The following CDC42SE2 variants were observed in gnomAD, a reference collection of about 807,000 sequenced individuals.
CDC42SE2 encodes CDC42 small effector protein 2.
In CDC42SE2, 3 loss-of-function variants were observed where a neutral mutation model predicts 11.5. That is an observed-to-expected ratio of 0.26 (90% CI 0.12 to 0.67). CDC42SE2 has a LOEUF of 0.67. Ranked by LOEUF, CDC42SE2 falls within the 30% of genes least tolerant of loss-of-function variation. CDC42SE2 has a pLI of 0.80. For synonymous variants in CDC42SE2, 33 were observed against 34.8 expected (o/e 0.95, Z 0.18); for missense variants, 82 against 106.8 (o/e 0.77, Z 1.02).
At chr5:131,252,023 A>G (rs1198010837) in intron 1 of CDC42SE2, among the ~76,000 whole-genome samples, 1 of 150,908 alleles carries the variant, frequency 6.6e-6, no homozygotes, top group Admixed American at 6.7e-5. Context: ...TCAAAAAAGT[A>G]AGAAGAAAAA....
chr5:131,342,491 G>A (rs1758735802), intron 2 of CDC42SE2, among the ~76,000 whole-genome samples: 1 of 143,866 alleles, frequency 7.0e-6, no homozygotes, highest in African/African-American at 2.7e-5. Context: ...TCAGGTTCAA[G>A]TGATTCTCCT....
chr5:131,254,834 T>C (rs762578006), intron 1 of CDC42SE2, among the ~76,000 whole-genome samples: 16 of 152,214 alleles, frequency 1.1e-4, no homozygotes, highest in Non-Finnish European at 7.3e-5. Context: ...TAGATTTTTG[T>C]TTTAACCTAG....
At position 131,281,866 on chromosome 5, in the gene CDC42SE2, G is replaced by A. The variant is rs76485558; in HGVS notation, c.-455+17700G>A. ...TTCATTTTCCTTTTCAGTTAAGTGAGAGTAATACATTTGTTAGGATTAAAT... is the reference window on the plus strand; with the variant it reads ...TTCATTTTCCTTTTCAGTTAAGTGAAAGTAATACATTTGTTAGGATTAAAT... On this transcript the variant is annotated intron_variant, in intron 1 of 4. Transcript: ENST00000505065. Among the ~76,000 whole-genome samples, 946 of 152,290 alleles carry A rather than the reference G, an allele frequency of 6.2e-3. 5 individuals carry two copies. The highest frequency in any genetic ancestry group is 0.027 in the Middle Eastern group (8 of 294).
intron 3 of CDC42SE2, among the ~76,000 whole-genome samples, chr5:131,375,007 T>G (rs1316719869): frequency 6.6e-6 from 1 of 151,002 alleles, no homozygotes; most frequent in Admixed American, 6.6e-5. Flanking sequence ...ACTTGAAAGC[T>G]AGTTCAGATT....
At chr5:131,369,424 A>G (rs1179779241) in intron 3 of CDC42SE2, among the ~76,000 whole-genome samples, 1 of 152,152 alleles carries the variant, frequency 6.6e-6, no homozygotes, top group Non-Finnish European at 1.5e-5. Context: ...AAGTTTTTCT[A>G]GGGTATATAC....
chr5:131,312,576 G>T (rs1757945196), intron 1 of CDC42SE2, among the ~76,000 whole-genome samples: 1 of 152,186 alleles, frequency 6.6e-6, no homozygotes, highest in Admixed American at 6.5e-5. Context: ...AGTCTGCTGT[G>T]CTAGCAATCA....
At chr5:131,381,011 C>T (rs1037124293) in intron 3 of CDC42SE2, among the ~76,000 whole-genome samples, 13 of 152,206 alleles carry the variant, frequency 8.5e-5, no homozygotes, top group African/African-American at 2.7e-4. Context: ...CTCTCACCAC[C>T]TTTCAGCTCT....
Position 131,393,689 on chromosome 5 carries a change from A to G in CDC42SE2, c.*2598A>G, listed in dbSNP as rs1046090315. The G allele has an allele frequency of 1.3e-5, 2 of 152,172 alleles. No individual in the cohort carries two copies. Among genetic ancestry groups the G allele is most frequent in the African/African-American group, 2.4e-5 (1 of 41,432 alleles). The allele number at this position is 152,172 out of a possible 1,614,324, so 9.4% of individuals were successfully genotyped here. On this transcript the variant is annotated 3_prime_UTR_variant, in exon 5 of 5. Coordinates refer to ENST00000505065, the MANE Select transcript of CDC42SE2 (RefSeq NM_001375635.1). ...TATCAGCACTCATGCTATTTAGTCT[A>G]CTTCTATTTTGACTGACTCTTTAAA...
chr5:131,359,475 T>G lies in CDC42SE2; in HGVS notation c.-19T>G, dbSNP rs200700138. The G allele has an allele frequency of 3.1e-4, 496 of 1,606,918 alleles. No homozygotes were observed. Among genetic ancestry groups the G allele is most frequent in the Non-Finnish European group, 4.0e-4 (474 of 1,173,418 alleles). ...GATTTGGAACCTTCATTGGTGCTCA[T>G]TTACTGTGGACTGTAAGCATGAGTG... On this transcript the variant is annotated 5_prime_UTR_variant, in exon 3 of 5. Transcript: ENST00000505065.
At chr5:131,325,424 C>G (rs1758275106) in intron 2 of CDC42SE2, among the ~76,000 whole-genome samples, 1 of 149,936 alleles carries the variant, frequency 6.7e-6, no homozygotes, top group African/African-American at 2.4e-5. Context: ...CCAGCTTCCC[C>G]TTTGTGGATT....
intron 1 of CDC42SE2, among the ~76,000 whole-genome samples, chr5:131,279,880 C>G (rs1473517253): frequency 6.6e-6 from 1 of 152,008 alleles, no homozygotes; most frequent in African/African-American, 2.4e-5. Context: ...CGAGATCAGC[C>G]CAGGCAACAG....
At chr5:131,286,551 C>T (rs1757345601) in intron 1 of CDC42SE2, among the ~76,000 whole-genome samples, 1 of 151,820 alleles carries the variant, frequency 6.6e-6, no homozygotes, top group Admixed American at 6.6e-5. Context: ...GTACAGTTGA[C>T]CCTTGAACAA....
intron 3 of CDC42SE2, among the ~76,000 whole-genome samples, chr5:131,377,259 C>T (rs192553332): frequency 1.3e-5 from 2 of 151,638 alleles, no homozygotes; most frequent in East Asian, 3.9e-4. Context: ...ACGTCTGCCT[C>T]CCGGGTTCAA....
intron 2 of CDC42SE2, among the ~76,000 whole-genome samples, chr5:131,328,945 A>G (rs991410503): frequency 6.6e-6 from 1 of 152,246 alleles, no homozygotes; most frequent in Non-Finnish European, 1.5e-5. Flanking sequence ...AATACTGGAT[A>G]CTGGAAAGAG....
At chr5:131,312,989 C>CTTTTT (rs144922274) in intron 1 of CDC42SE2, among the ~76,000 whole-genome samples, 270 of 144,964 alleles carry the variant, frequency 1.9e-3, no homozygotes, top group African/African-American at 6.5e-3. Flanking sequence ...CTTTTCTTTT[C>CTTTTT]TTTTTTTTTT....
intron 2 of CDC42SE2, among the ~76,000 whole-genome samples, chr5:131,333,110 G>T (rs534933078): frequency 2.0e-5 from 3 of 152,188 alleles, no homozygotes; most frequent in South Asian, 4.2e-4. Context: ...GGTCTAACCT[G>T]TAAGTCTTTA....
intron 2 of CDC42SE2, among the ~76,000 whole-genome samples, chr5:131,320,050 T>TA (rs1561583564): frequency 2.2e-5 from 1 of 45,862 alleles, no homozygotes; most frequent in Non-Finnish European, 3.9e-5. Context: ...GACTCCGTCT[T>TA]AAAGAAAAAA....
intron 1 of CDC42SE2, among the ~76,000 whole-genome samples, chr5:131,286,025 A>G (rs967733370): frequency 5.3e-5 from 8 of 151,406 alleles, no homozygotes; most frequent in Admixed American, 6.7e-5. Context: ...TACTAACTGT[A>G]AAGGAAAGTC....
chr5:131,262,611 T>C (rs577593118), upstream of CDC42SE2, among the ~76,000 whole-genome samples: 3 of 152,198 alleles, frequency 2.0e-5, no homozygotes, highest in South Asian at 2.1e-4. Flanking sequence ...CCGAGGGGGA[T>C]TGGCTCTAGG....
Sources: gnomAD v4.1 joint callset for allele counts (sites outside exome capture counted in the v4.1 genomes callset) on GRCh38, gnomAD v4.1.1 for gene constraint, MANE v1.5 for transcripts, NCBI Gene and HGNC (gene_info 2026-07-23, HGNC 2026-07-21) for gene names.